The following BFSP2 variants were observed in gnomAD, a reference collection of about 807,000 sequenced individuals.
The protein encoded by BFSP2 is beaded filament structural protein 2, also known as phakinin.
A neutral mutation model predicts 44.9 loss-of-function variants in BFSP2; 38 were observed. The ratio of observed to expected loss-of-function variants is 0.85; its 90% CI spans 0.65 to 1.11. The LOEUF (loss-of-function observed/expected upper bound fraction) is 1.11. Ranked by LOEUF, BFSP2 falls within the 50% of genes least tolerant of loss-of-function variation. The pLI is 0.00. For missense variants in BFSP2, 525 were observed against 533.0 expected, an observed-to-expected ratio of 0.99 and a Z score of 0.15; for synonymous variants, 197 against 209.9, an observed-to-expected ratio of 0.94 and a Z score of 0.53.
At chr3:133,401,309 G>A (rs1486420257) in intron 1 of BFSP2, among the ~76,000 whole-genome samples, 1 of 152,174 alleles carries the variant, frequency 6.6e-6, no homozygotes, top group Non-Finnish European at 1.5e-5. Context: ...TCTTATATCT[G>A]CACTGTCCAA....
intron 1 of BFSP2, among the ~76,000 whole-genome samples, chr3:133,404,504 G>A (rs1013522809): frequency 1.3e-5 from 2 of 152,138 alleles, no homozygotes; most frequent in African/African-American, 4.8e-5. Flanking sequence ...ATGGTACATC[G>A]GTCCAATGGC....
intron 1 of BFSP2, among the ~76,000 whole-genome samples, chr3:133,408,138 C>T (rs1197311): frequency 1.9e-4 from 29 of 151,778 alleles, no homozygotes; most frequent in African/African-American, 6.8e-4. Flanking sequence ...GTTAAAATAG[C>T]CCTATTTTAT....
At position 133,446,573 on chromosome 3, in the gene BFSP2, TATATATATATATATATATATATATATATA is replaced by T. The variant is rs2073900080; in HGVS notation, c.490-743_490-715del. ...ATCAGAGCCTTCAGCTCACCATTTA[TATATATATATATATATATATATATATATA>T]TATATATATATATATATATATATAT... On this transcript the variant is annotated intron_variant, in intron 1 of 6. Coordinates refer to ENST00000302334, the MANE Select transcript of BFSP2 (RefSeq NM_003571.4). Among the ~76,000 whole-genome samples the T allele has an allele frequency of 2.8e-3, 80 of 28,534 alleles. 7 individuals are homozygous for T. Among genetic ancestry groups the T allele is most frequent in the East Asian group, 0.022 (8 of 366 alleles). The allele number at this position is 28,534 out of a possible 152,430, so 18.7% of individuals were successfully genotyped here.
chr3:133,432,402 G>A (rs566219082), intron 1 of BFSP2, among the ~76,000 whole-genome samples: 25 of 151,898 alleles, frequency 1.6e-4, no homozygotes, highest in South Asian at 1.5e-3. Context: ...TGCACCCCTC[G>A]TCCCAGCCTC....
chr3:133,402,497 G>A (rs142130199), intron 1 of BFSP2, among the ~76,000 whole-genome samples: 1,836 of 152,200 alleles, frequency 0.012, 18 homozygotes, highest in East Asian at 0.017. Context: ...GTAGTTGAGG[G>A]TCAGGATCCC....
chr3:133,403,910 G>A (rs2073382596), intron 1 of BFSP2, among the ~76,000 whole-genome samples: 1 of 152,182 alleles, frequency 6.6e-6, no homozygotes, highest in Non-Finnish European at 1.5e-5. Context: ...ACTGTGCAGA[G>A]AGTCACATCA....
chr3:133,402,667 G>A (rs960315322), intron 1 of BFSP2, among the ~76,000 whole-genome samples: 3 of 148,182 alleles, frequency 2.0e-5, no homozygotes, highest in Non-Finnish European at 4.4e-5. Context: ...TTGAGATGGA[G>A]TCTCATTCTG....
chr3:133,439,118 A>G (rs568397227), intron 1 of BFSP2, among the ~76,000 whole-genome samples: 1 of 152,312 alleles, frequency 6.6e-6, no homozygotes, highest in African/African-American at 2.4e-5. Flanking sequence ...GGATGAAATG[A>G]GATTATGCCT....
intron 1 of BFSP2, among the ~76,000 whole-genome samples, chr3:133,415,280 C>G: frequency 8.6e-6 from 1 of 116,814 alleles, no homozygotes; most frequent in Admixed American, 8.5e-5. Flanking sequence ...ACTCACCCCT[C>G]TACTCACCCT....
chr3:133,450,576 T>G (rs1220069865), intron 4 of BFSP2, 112 bp downstream of exon 4: 18 of 1,234,976 alleles, frequency 1.5e-5, no homozygotes, highest in Non-Finnish European at 2.1e-5. Flanking sequence ...AGTAACAAGT[T>G]CAACCTCATT....
chr3:133,437,438 G>T (rs2073798431), intron 1 of BFSP2, among the ~76,000 whole-genome samples: 1 of 152,026 alleles, frequency 6.6e-6, no homozygotes, highest in Admixed American at 6.6e-5. Flanking sequence ...CAGGAGAATT[G>T]CTTGAACCCA....
At chr3:133,412,200 T>C (rs2073460698) in intron 1 of BFSP2, 1 of 152,214 alleles carries the variant, frequency 6.6e-6, no homozygotes, top group African/African-American at 2.4e-5. Flanking sequence ...CACGTGCTTA[T>C]AATCAAGGAA....
intron 1 of BFSP2, among the ~76,000 whole-genome samples, chr3:133,430,515 C>T (rs1220768671): frequency 6.6e-6 from 1 of 152,174 alleles, no homozygotes; most frequent in African/African-American, 2.4e-5. Flanking sequence ...TTCTGCAATG[C>T]CGCTTGACCC....
At chr3:133,415,921 A>T (rs1325781950) in intron 1 of BFSP2, among the ~76,000 whole-genome samples, 3 of 101,814 alleles carry the variant, frequency 2.9e-5, no homozygotes, top group Admixed American at 1.2e-4. Context: ...TCACCTCTGT[A>T]CTCAGCCCTG....
At chr3:133,429,173 A>G (rs1338597764) in intron 1 of BFSP2, 2 of 151,786 alleles carry the variant, frequency 1.3e-5, no homozygotes, top group African/African-American at 4.8e-5. Flanking sequence ...AAGTTTTACT[A>G]CATATGTATA....
intron 1 of BFSP2, among the ~76,000 whole-genome samples, chr3:133,425,787 A>AAG (rs372528952): frequency 0.089 from 11,317 of 127,416 alleles, 618 homozygotes; most frequent in Middle Eastern, 0.18. Context: ...GGGAAAGGGA[A>AAG]GGGAAGGGAA....
chr3:133,430,813 A>G (rs943877668), intron 1 of BFSP2, among the ~76,000 whole-genome samples: 11 of 151,120 alleles, frequency 7.3e-5, no homozygotes, highest in South Asian at 2.1e-4. Context: ...TCCCCTCCTC[A>G]CCAGGCCGAG....
intron 1 of BFSP2, among the ~76,000 whole-genome samples, chr3:133,401,162 A>T (rs2073359892): frequency 6.6e-6 from 1 of 152,266 alleles, no homozygotes; most frequent in Admixed American, 6.5e-5. Flanking sequence ...ACGTAAAAAG[A>T]AGCAGGTGAA....
At chr3:133,407,617 C>T (rs532104806) in intron 1 of BFSP2, among the ~76,000 whole-genome samples, 30 of 151,868 alleles carry the variant, frequency 2.0e-4, no homozygotes, top group Admixed American at 4.6e-4. Flanking sequence ...ACCAGCAGCC[C>T]CGCCAGACAT....
Sources: gnomAD v4.1 joint callset for allele counts (sites outside exome capture counted in the v4.1 genomes callset) on GRCh38, gnomAD v4.1.1 for gene constraint, MANE v1.5 for transcripts, NCBI Gene and HGNC (gene_info 2026-07-23, HGNC 2026-07-21) for gene names.